HP1BP3: variants seen among roughly 807,000 people sequenced by gnomAD.
The protein encoded by HP1BP3 is heterochromatin protein 1-binding protein 3.
Under a neutral mutation model 62.5 loss-of-function variants are expected in HP1BP3, and 12 were observed. That is an observed-to-expected ratio of 0.19 (90% confidence interval 0.12 to 0.31). The LOEUF (loss-of-function observed/expected upper bound fraction) is 0.31. Ranked by LOEUF, HP1BP3 falls within the 10% of genes least tolerant of loss-of-function variation. The pLI is 1.00. For missense variants in HP1BP3, 502 were observed against 651.8 expected (o/e 0.77, Z 2.50); for synonymous variants, 260 against 237.8 (o/e 1.09, Z -0.86).
chr1:20,753,242 T>C (rs761087619), intron 9 of HP1BP3, among the ~76,000 whole-genome samples: 1 of 152,162 alleles, frequency 6.6e-6, no homozygotes, highest in Non-Finnish European at 1.5e-5. Context: ...GCGCCTGACC[T>C]GTAATACTTT....
chr1:20,760,080 G>C (rs1303083080), intron 8 of HP1BP3, among the ~76,000 whole-genome samples: 1 of 151,916 alleles, frequency 6.6e-6, no homozygotes, highest in African/African-American at 2.4e-5. Flanking sequence ...GTAGAGATGG[G>C]GTTTCACCAT....
chr1:20,745,650 T>A lies in HP1BP3; in HGVS notation c.1260A>T (p.Gly420=). The change falls in exon 12 of 13, where the codon GGA becomes GGT. Residue 420 remains glycine, a synonymous_variant. Coordinates refer to ENST00000438032, the MANE Select transcript of HP1BP3 (RefSeq NM_001372052.1). The stretch of plus-strand genomic sequence containing the variant: ...CTGGCTCTTTCTTCGGAAACAGAAC[T>A]CCTGGGCTATACGGGGAAAAATTAG... The part of the protein sequence containing the change: ...QLCFPYYPSP[G]VLFPKKEPDD... The A allele has an allele frequency of 6.2e-7, 1 of 1,613,816 alleles. No homozygotes were observed. The highest frequency in any genetic ancestry group is 1.3e-5 in the African/African-American group (1 of 75,030).
intron 9 of HP1BP3, among the ~76,000 whole-genome samples, chr1:20,752,336 C>T (rs2055819017): frequency 6.6e-6 from 1 of 151,856 alleles, no homozygotes; most frequent in Admixed American, 6.6e-5. Context: ...GCTGTGTTGC[C>T]CAGGCTGGAG....
chr1:20,759,996 C>T (rs1226896925), intron 8 of HP1BP3, among the ~76,000 whole-genome samples: 1 of 148,208 alleles, frequency 6.7e-6, no homozygotes, highest in Admixed American at 6.9e-5. Flanking sequence ...TCAAGCAATT[C>T]TCCTGCCTCA....
intron 6 of HP1BP3, among the ~76,000 whole-genome samples, chr1:20,769,499 G>A (rs116517818): frequency 0.014 from 2,139 of 152,244 alleles, 49 homozygotes; most frequent in African/African-American, 0.047. Context: ...TAGAGAGTGC[G>A]GTGAGCTGAC....
intron 8 of HP1BP3, among the ~76,000 whole-genome samples, chr1:20,764,164 A>T (rs766655183): frequency 2.6e-5 from 4 of 152,208 alleles, no homozygotes; most frequent in Non-Finnish European, 5.9e-5. Flanking sequence ...AGAAATTGAA[A>T]TAGTATTTTC....
chr1:20,754,631 C>T (rs1570577570), intron 9 of HP1BP3, among the ~76,000 whole-genome samples: 1 of 152,214 alleles, frequency 6.6e-6, no homozygotes, highest in East Asian at 1.9e-4. Flanking sequence ...ATGAAGGATA[C>T]ACCTACAGAA....
intron 8 of HP1BP3, among the ~76,000 whole-genome samples, chr1:20,759,723 G>C (rs1454045892): frequency 6.6e-6 from 1 of 152,080 alleles, no homozygotes; most frequent in Non-Finnish European, 1.5e-5. Flanking sequence ...AAAACTTAAG[G>C]AAGTAAAGGA....
chr1:20,753,045 G>A (rs367962422), intron 9 of HP1BP3, among the ~76,000 whole-genome samples: 85 of 152,184 alleles, frequency 5.6e-4, no homozygotes, highest in African/African-American at 1.9e-3. Flanking sequence ...GGGTTCAAGG[G>A]ATTCTCCTGC....
intron 11 of HP1BP3, among the ~76,000 whole-genome samples, chr1:20,747,136 T>TA (rs2055389778): frequency 6.6e-6 from 1 of 152,240 alleles, no homozygotes; most frequent in Non-Finnish European, 1.5e-5. Flanking sequence ...TATGCCTGGC[T>TA]AAAATCACTA....
In HP1BP3 at chr1:20,771,742, A is replaced by G. The variant is rs368892227; in HGVS notation, c.511-669T>C. ...ATACTTAATTTTTTTCAAATGCTTA[A>G]AATTTTGTTTTCCAACTGGTCACTG... On this transcript the variant is annotated intron_variant, in intron 5 of 12. Coordinates refer to ENST00000438032, the MANE Select transcript of HP1BP3 (RefSeq NM_001372052.1). Among the ~76,000 whole-genome samples the G allele has an allele frequency of 2.0e-5, 3 of 152,342 alleles. No homozygotes were observed. In the East Asian group the frequency reaches 5.8e-4, roughly 29 times the overall value.
At chr1:20,757,054 C>T (rs1329095932) in intron 9 of HP1BP3, 112 bp downstream of exon 9, 3 of 613,724 alleles carry the variant, frequency 4.9e-6, no homozygotes, top group South Asian at 2.3e-5. Context: ...AGATATAACC[C>T]ACATAAACAA....
At chr1:20,770,391 C>CA (rs2154540956) in intron 6 of HP1BP3, among the ~76,000 whole-genome samples, 1 of 152,298 alleles carries the variant, frequency 6.6e-6, no homozygotes, top group South Asian at 2.1e-4. Context: ...TCGTAACTCA[C>CA]AATAGCCTCA....
chr1:20,744,905 T>C lies in HP1BP3; in HGVS notation c.1554A>G (p.Lys518=), dbSNP rs1570528380. 2 of 1,614,044 alleles carry C rather than the reference T, an allele frequency of 1.2e-6. No homozygotes were observed. Among genetic ancestry groups the C allele is most frequent in the African/African-American group, 1.3e-5 (1 of 74,918 alleles). The change falls in exon 13 of 13, where the codon AAA becomes AAG. Residue 518 remains lysine (K), a synonymous_variant. Transcript: ENST00000438032. Reference sequence around the variant, plus strand: ...GCTTCTTTGAGGAGCCACCACTAGGTTTCTTGATGACTGTGGATGAGGGTC... The same window carrying C: ...GCTTCTTTGAGGAGCCACCACTAGGCTTCTTGATGACTGTGGATGAGGGTC... ...KTRPSSTVIK[K]PSGGSSKKPA...
At position 20,743,310 on chromosome 1, in the gene HP1BP3, G is replaced by C. The variant is rs1334226994; in HGVS notation, c.*1487C>G. 1 of 152,306 alleles carries C rather than the reference G, an allele frequency of 6.6e-6. No homozygotes were observed. The highest frequency in any genetic ancestry group is 1.5e-5 in the Non-Finnish European group (1 of 67,982). The allele number at this position is 152,306 out of a possible 1,614,324, so 9.4% of individuals were successfully genotyped here. On this transcript the variant is annotated 3_prime_UTR_variant, in exon 13 of 13. Coordinates refer to ENST00000438032, the MANE Select transcript of HP1BP3 (RefSeq NM_001372052.1). ...CTCTCCAACATTTCCTTATAAAAAA[G>C]GCAAACAAGAAGTGACAACTCATGC...
chr1:20,747,686 T>C (rs2055427949), intron 10 of HP1BP3, 31 bp from the exon 11 acceptor site: 7 of 1,365,912 alleles, frequency 5.1e-6, no homozygotes, highest in Non-Finnish European at 7.3e-6. Flanking sequence ...ATGAAAGTTA[T>C]CTAGTTATTC....
In HP1BP3 at chr1:20,751,317, G is replaced by A. The variant is rs190439231; in HGVS notation, c.982-1435C>T. On this transcript the variant is annotated intron_variant, in intron 9 of 12. Coordinates refer to ENST00000438032, the MANE Select transcript of HP1BP3 (RefSeq NM_001372052.1). Reference sequence around the variant, plus strand: ...TTATGATTTTTTTTTTTTACTGCACGGGGGATCTGCACCTTTAACCCCTAT... The same window carrying A: ...TTATGATTTTTTTTTTTTACTGCACAGGGGATCTGCACCTTTAACCCCTAT... Among the ~76,000 whole-genome samples the A allele has an allele frequency of 4.7e-3, 708 of 151,426 alleles. 5 individuals carry two copies. Among genetic ancestry groups the A allele is most frequent in the African/African-American group, 0.016 (649 of 41,264 alleles).
intron 8 of HP1BP3, among the ~76,000 whole-genome samples, chr1:20,764,583 TC>T (rs2056668451): frequency 6.6e-6 from 1 of 151,086 alleles, no homozygotes; most frequent in African/African-American, 2.4e-5. Flanking sequence ...TTAAGATATT[TC>T]ATATCTGAGA....
At chr1:20,785,065 G>A (rs2057760233) in intron 1 of HP1BP3, among the ~76,000 whole-genome samples, 1 of 152,150 alleles carries the variant, frequency 6.6e-6, no homozygotes, top group Admixed American at 6.5e-5. Flanking sequence ...TGGGACTTCA[G>A]GTATGCGCCA....
Sources: allele counts gnomAD v4.1 joint callset (sites outside exome capture counted in the v4.1 genomes callset), GRCh38; gene constraint gnomAD v4.1.1; transcripts MANE v1.5; gene names NCBI Gene and HGNC (gene_info 2026-07-23, HGNC 2026-07-21).